The following ITGA6 variants were observed in gnomAD, a reference collection of about 807,000 sequenced individuals.
ITGA6 encodes the protein integrin subunit alpha 6, also known as integrin alpha-6.
ITGA6 carries 63 observed loss-of-function variants against 133.6 expected under a neutral mutation model. The ratio of observed to expected loss-of-function variants is 0.47; its 90% confidence interval spans 0.38 to 0.58. The LOEUF (loss-of-function observed/expected upper bound fraction) is 0.58. Among genes scored for constraint, ITGA6 ranks in the 20% least tolerant of loss-of-function variants. ITGA6 has a pLI of 0.00. For missense variants in ITGA6, 1,068 were observed against 1,309.4 expected, an observed-to-expected ratio of 0.82 and a Z score of 2.85; for synonymous variants, 434 against 482.0, an observed-to-expected ratio of 0.90 and a Z score of 1.30.
intron 1 of ITGA6, among the ~76,000 whole-genome samples, chr2:172,446,713 A>G (rs1390921513): frequency 6.6e-6 from 1 of 152,216 alleles, no homozygotes; most frequent in Non-Finnish European, 1.5e-5. Context: ...ATTAAATGCC[A>G]CATTTGACAA....
intron 1 of ITGA6, among the ~76,000 whole-genome samples, chr2:172,434,699 G>A (rs1250560163): frequency 6.6e-6 from 1 of 152,148 alleles, no homozygotes; most frequent in African/African-American, 2.4e-5. Flanking sequence ...ATGACATGGA[G>A]CCGTGGGTAT....
chr2:172,493,701 C>CA (rs1233035276), intron 23 of ITGA6, among the ~76,000 whole-genome samples: 1 of 152,130 alleles, frequency 6.6e-6, no homozygotes, highest in Non-Finnish European at 1.5e-5. Context: ...CCCCAAATCT[C>CA]AAATTGAGAT....
rs749951514 is a variant in ITGA6, at chr2:172,465,665, T to TGC, written c.307+4_307+5dup. 1.6e-5 allele frequency: 26 copies of TGC among 1,614,004 alleles called. No individual in the cohort carries two copies. The highest frequency in any genetic ancestry group is 2.0e-5 in the Non-Finnish European group (24 of 1,179,970). On this transcript the variant is annotated splice_region_variant and intron_variant, in intron 2 of 25. Transcript: ENST00000684293. ...CGCGGATCGAGTTTGATAACGATGG[T>TGC]GCGTTCCTTTCCCTCACTCAGCGTT... is the stretch of plus-strand genomic sequence containing the variant.
chr2:172,428,093 G>T, intron 1 of ITGA6, 123 bp downstream of exon 1: 2 of 956,194 alleles, frequency 2.1e-6, no homozygotes, highest in Non-Finnish European at 1.4e-6. Flanking sequence ...GCCCGGGCCG[G>T]CCGAGGCGCA....
At chr2:172,456,944 T>G (rs1685231094) in intron 1 of ITGA6, among the ~76,000 whole-genome samples, 1 of 149,760 alleles carries the variant, frequency 6.7e-6, no homozygotes, top group South Asian at 2.2e-4. Flanking sequence ...TCAATCCATT[T>G]TAGTTGTGAA....
At chr2:172,449,449 C>T (rs1038776912) in intron 1 of ITGA6, among the ~76,000 whole-genome samples, 2 of 152,168 alleles carry the variant, frequency 1.3e-5, no homozygotes, top group African/African-American at 4.8e-5. Flanking sequence ...CCAGCTACTG[C>T]TCCAGATGTT....
rs184880916 is a variant in ITGA6 at position 172,437,248 on chromosome 2, G to A, written c.182+9278G>A. Among the ~76,000 whole-genome samples the A allele has an allele frequency of 1.3e-3, 197 of 152,340 alleles. 1 individual carries two copies. The highest frequency in any genetic ancestry group is 4.4e-3 in the African/African-American group (183 of 41,574). On this transcript the variant is annotated intron_variant, in intron 1 of 25. Coordinates refer to ENST00000684293, the MANE Select transcript of ITGA6 (RefSeq NM_000210.4). The stretch of plus-strand genomic sequence containing the variant: ...TTTAAATGGATTTCTCTGGCCTGCA[G>A]CCTTGAGAGTAGACTGTATGAGGAC...
At chr2:172,466,368 C>A (rs1685673683) in intron 2 of ITGA6, among the ~76,000 whole-genome samples, 1 of 152,246 alleles carries the variant, frequency 6.6e-6, no homozygotes, top group East Asian at 1.9e-4. Context: ...ACCTGTAATC[C>A]TAGCATTTTG....
At chr2:172,435,781 C>T (rs1028711313) in intron 1 of ITGA6, among the ~76,000 whole-genome samples, 1 of 151,906 alleles carries the variant, frequency 6.6e-6, no homozygotes, top group African/African-American at 2.4e-5. Flanking sequence ...GTGTGCAGCA[C>T]CACACCCAGC....
intron 1 of ITGA6, chr2:172,465,336 G>C (rs1371305260): frequency 1.6e-6 from 1 of 645,090 alleles, no homozygotes; most frequent in Non-Finnish European, 2.8e-6. Flanking sequence ...CCCCTCTTTG[G>C]CTTCCCCTGT....
chr2:172,499,481 C>T (rs930005257), intron 24 of ITGA6, among the ~76,000 whole-genome samples: 3 of 152,008 alleles, frequency 2.0e-5, no homozygotes, highest in Non-Finnish European at 2.9e-5. Context: ...CCTCCCACCT[C>T]GGCCTCCTGA....
chr2:172,489,994 G>A (rs1229953440), intron 20 of ITGA6: 1 of 268,584 alleles, frequency 3.7e-6, no homozygotes, highest in Non-Finnish European at 7.2e-6. Context: ...CCAGGGGCCA[G>A]CCAGTGTTCA....
intron 13 of ITGA6, among the ~76,000 whole-genome samples, 178 bp downstream of exon 13, chr2:172,485,442 A>G (rs979764176): frequency 1.3e-5 from 2 of 152,266 alleles, no homozygotes; most frequent in African/African-American, 4.8e-5. Context: ...CAATAAACAT[A>G]AAAACATGAA....
Position 172,485,384 on chromosome 2 carries a change from A to G in ITGA6, c.1854+120A>G, listed in dbSNP as rs1686623547. ...TTAAAGGCCATTCTTTTGTGTTAATATGTTTTTAATGTACGCAAAGTTAGA... is the reference window on the plus strand; with the variant it reads ...TTAAAGGCCATTCTTTTGTGTTAATGTGTTTTTAATGTACGCAAAGTTAGA... On this transcript the variant is annotated intron_variant, in intron 13 of 25. Transcript: ENST00000684293. 3.0e-5 allele frequency: 27 copies of G among 888,546 alleles called. 1 individual carries two copies. In the South Asian group the frequency reaches 3.4e-4, roughly 11 times the overall value. The allele number at this position is 888,546 out of a possible 1,614,324, so 55.0% of individuals were successfully genotyped here. A position where few individuals can be genotyped will look rare whatever the true frequency, so the allele number is the denominator to read the frequency against.
At chr2:172,428,194 C>G (rs924086022) in intron 1 of ITGA6, 1 of 271,682 alleles carries the variant, frequency 3.7e-6, no homozygotes, top group Non-Finnish European at 6.8e-6. Context: ...AACCCGAGGG[C>G]TAGGCTGGGC....
chr2:172,472,941 A>ATTT, intron 5 of ITGA6: 2 of 975,250 alleles, frequency 2.1e-6, no homozygotes, highest in Non-Finnish European at 1.5e-6. Context: ...TGGTCATTAA[A>ATTT]TTTTTTTTTT....
intron 11 of ITGA6, among the ~76,000 whole-genome samples, chr2:172,481,772 A>T (rs12465295): frequency 6.6e-6 from 1 of 152,116 alleles, no homozygotes; most frequent in Non-Finnish European, 1.5e-5. Context: ...TTTTTGATGC[A>T]GCCGGCATTT....
chr2:172,457,428 T>A (rs1217718846), intron 1 of ITGA6, among the ~76,000 whole-genome samples: 1 of 151,992 alleles, frequency 6.6e-6, no homozygotes, highest in Non-Finnish European at 1.5e-5. Context: ...TCTAGAAAAC[T>A]GGGTTAGGCA....
upstream of ITGA6, chr2:172,427,570 C>A (rs1458082396): frequency 1.6e-6 from 2 of 1,227,010 alleles, no homozygotes; most frequent in Non-Finnish European, 2.0e-6. Flanking sequence ...AAAACGCCTG[C>A]GAGTCTCCAG....
Sources: allele counts gnomAD v4.1 joint callset (sites outside exome capture counted in the v4.1 genomes callset), GRCh38; gene constraint gnomAD v4.1.1; transcripts MANE v1.5; gene names NCBI Gene and HGNC (gene_info 2026-07-23, HGNC 2026-07-21).